EDA: variants seen among roughly 807,000 people sequenced by gnomAD.
The protein encoded by EDA is ectodysplasin-A.
A neutral mutation model predicts 23.6 loss-of-function variants in EDA; 2 were observed. That is an observed-to-expected ratio of 0.08 (90% confidence interval 0.03 to 0.27). The LOEUF (loss-of-function observed/expected upper bound fraction) is 0.27, where lower values mean the gene tolerates loss of function less well. Among genes scored for constraint, EDA ranks in the 10% least tolerant of loss-of-function variants. EDA has a pLI of 1.00. For synonymous variants in EDA, 131 were observed against 132.0 expected, an observed-to-expected ratio of 0.99 and a Z score of 0.05; for missense variants, 229 against 324.2, an observed-to-expected ratio of 0.71 and a Z score of 2.26.
chrX:69,919,828 A>C (rs189086383), intron 1 of EDA, among the ~76,000 whole-genome samples: 2 of 112,167 alleles, frequency 1.8e-5, no homozygotes, highest in Admixed American at 9.5e-5. Flanking sequence ...GACACTAAAA[A>C]TAAATCTTTG....
At chrX:69,860,149 C>T (rs1416513477) in intron 1 of EDA, among the ~76,000 whole-genome samples, 1 of 111,411 alleles carries the variant, frequency 9.0e-6, no homozygotes, top group African/African-American at 3.3e-5. Context: ...CTCTTGAAGA[C>T]AGCATACCAA....
intron 1 of EDA, among the ~76,000 whole-genome samples, chrX:69,645,195 C>T (rs906236092): frequency 1.8e-5 from 2 of 110,102 alleles, no homozygotes; most frequent in South Asian, 7.9e-4. Flanking sequence ...TTCTTTGTAC[C>T]TCTGGTAGAA....
At chrX:70,023,149 C>G in intron 2 of EDA, 69 bp from the exon 3 acceptor site, 7 of 753,020 alleles carry the variant, frequency 9.3e-6, no homozygotes, top group Non-Finnish European at 1.4e-5. Flanking sequence ...CTCCTAGTGA[C>G]TATCTTAGAA....
At chrX:69,698,439 A>T (rs1175563681) in intron 1 of EDA, among the ~76,000 whole-genome samples, 1 of 111,523 alleles carries the variant, frequency 9.0e-6, no homozygotes. Flanking sequence ...AGTTATGTTG[A>T]GAGGACAAGG....
At chrX:69,937,629 C>T in intron 1 of EDA, 1 of 1,109,442 alleles carries the variant, frequency 9.0e-7, no homozygotes, top group South Asian at 1.8e-5. Flanking sequence ...GGTCTCAATT[C>T]CTTCCTCATC....
intron 1 of EDA, among the ~76,000 whole-genome samples, chrX:69,699,758 C>CG (rs1356753019): frequency 9.1e-6 from 1 of 110,274 alleles, no homozygotes; most frequent in African/African-American, 3.3e-5. Flanking sequence ...AAAGTGAGGA[C>CG]GGGGGCTGAG....
chrX:69,752,689 T>A (rs1225272533), intron 1 of EDA, among the ~76,000 whole-genome samples: 1 of 112,119 alleles, frequency 8.9e-6, no homozygotes. Flanking sequence ...AGAATTCGGC[T>A]GTGAATCCAT....
At chrX:69,884,772 A>G (rs1217898162) in intron 1 of EDA, among the ~76,000 whole-genome samples, 1 of 112,096 alleles carries the variant, frequency 8.9e-6, no homozygotes, top group Non-Finnish European at 1.9e-5. Context: ...TAGTGCTGCT[A>G]TGAACATTCA....
chrX:69,651,819 A>G (rs931917740), intron 1 of EDA, among the ~76,000 whole-genome samples: 17 of 110,706 alleles, frequency 1.5e-4, no homozygotes, highest in Non-Finnish European at 3.2e-4. Context: ...TATAGAGCAC[A>G]AATGGAAGAT....
intron 1 of EDA, among the ~76,000 whole-genome samples, chrX:69,793,544 A>G (rs1373369081): frequency 1.2e-5 from 1 of 84,551 alleles, no homozygotes; most frequent in Admixed American, 1.4e-4. Context: ...GGTTGAATGG[A>G]GCTTTTTGTT....
chrX:69,723,453 T>C (rs1411041059), intron 1 of EDA, among the ~76,000 whole-genome samples: 1 of 112,204 alleles, frequency 8.9e-6, no homozygotes, highest in Non-Finnish European at 1.9e-5. Context: ...AGTCACTTAG[T>C]AACTTGAACT....
chrX:69,630,704 A>C (rs1932539411), intron 1 of EDA, among the ~76,000 whole-genome samples: 1 of 112,274 alleles, frequency 8.9e-6, no homozygotes, highest in Non-Finnish European at 1.9e-5. Flanking sequence ...CTTTTTTTCT[A>C]ATTACTACCT....
intron 1 of EDA, among the ~76,000 whole-genome samples, chrX:69,936,029 T>C (rs1460358269): frequency 3.7e-5 from 4 of 106,790 alleles, no homozygotes; most frequent in Non-Finnish European, 7.7e-5. Context: ...ATATATTATA[T>C]ATATACATTT....
chrX:69,677,651 C>T (rs1163546033), intron 1 of EDA, among the ~76,000 whole-genome samples: 1 of 112,406 alleles, frequency 8.9e-6, no homozygotes, highest in African/African-American at 3.2e-5. Context: ...TGTTCATGTC[C>T]TTTGCCCACT....
chrX:69,770,939 A>G (rs1410147288), intron 1 of EDA, among the ~76,000 whole-genome samples: 1 of 112,131 alleles, frequency 8.9e-6, no homozygotes, highest in Non-Finnish European at 1.9e-5. Flanking sequence ...CTTTCTGACT[A>G]TAGATGTTCA....
At chrX:70,020,116 A>C (rs1248905201) in intron 2 of EDA, among the ~76,000 whole-genome samples, 1 of 112,241 alleles carries the variant, frequency 8.9e-6, no homozygotes, top group East Asian at 2.8e-4. Flanking sequence ...GGGAAGGCCT[A>C]AGTAAGCATG....
intron 2 of EDA, among the ~76,000 whole-genome samples, chrX:69,999,508 C>T (rs1433953085): frequency 2.8e-5 from 3 of 107,622 alleles, no homozygotes; most frequent in Admixed American, 2.0e-4. Context: ...CCCACCTACT[C>T]GGGAGGCTGA....
chrX:69,825,146 G>C (rs1403020862), intron 1 of EDA, among the ~76,000 whole-genome samples: 1 of 103,046 alleles, frequency 9.7e-6, no homozygotes, highest in Non-Finnish European at 2.0e-5. Context: ...CAAAGATATT[G>C]GTCTAAAATT....
chrX:69,969,069 G>A (rs1307608843), intron 2 of EDA, among the ~76,000 whole-genome samples: 1 of 112,063 alleles, frequency 8.9e-6, no homozygotes, highest in Non-Finnish European at 1.9e-5. Flanking sequence ...CGAGCCAGAG[G>A]TCTAATCAAC....
Sources: allele counts gnomAD v4.1 joint callset (sites outside exome capture counted in the v4.1 genomes callset), GRCh38; gene constraint gnomAD v4.1.1; transcripts MANE v1.5; gene names NCBI Gene and HGNC (gene_info 2026-07-23, HGNC 2026-07-21).